Variants in DAZAP1 observed in about 807,000 individuals in gnomAD.
DAZAP1 encodes the protein DAZ-associated protein 1.
In DAZAP1, 6 loss-of-function variants were observed where a neutral mutation model predicts 60.1. The ratio of observed to expected loss-of-function variants is 0.10; its 90% CI spans 0.05 to 0.20. The LOEUF (loss-of-function observed/expected upper bound fraction) is 0.20, where lower values mean the gene tolerates loss of function less well. Ranked by LOEUF, DAZAP1 falls within the 10% of genes least tolerant of loss-of-function variation. DAZAP1 has a pLI of 1.00. For synonymous variants in DAZAP1, 235 were observed against 215.9 expected, an observed-to-expected ratio of 1.09 and a Z score of -0.78; for missense variants, 366 against 560.4, an observed-to-expected ratio of 0.65 and a Z score of 3.50.
chr19:1,433,777 C>T lies in DAZAP1; in HGVS notation c.1049-960C>T. 6.2e-7 allele frequency: 1 copy of T among 1,614,020 alleles called. No homozygotes were observed. Among genetic ancestry groups the T allele is most frequent in the African/African-American group, 1.3e-5 (1 of 75,060 alleles). ...TTCTCCAGCCCCGCCGGGCTGCGGC[C>T]CACACTTTGTTTACAGTCTTATGGT... On this transcript the variant is annotated intron_variant, in intron 11 of 11. Transcript: ENST00000233078. The surrounding 1 kb of genome is among the most constrained non-coding windows in gnomAD (Gnocchi z 6.1).
intron 6 of DAZAP1, among the ~76,000 whole-genome samples, chr19:1,424,855 C>T (rs1156335093): frequency 1.3e-5 from 2 of 152,186 alleles, no homozygotes; most frequent in Non-Finnish European, 2.9e-5. Context: ...CCGCCTGGGC[C>T]CCGCCTCGGG....
chr19:1,430,074 C>A, intron 9 of DAZAP1, 78 bp downstream of exon 9: 1 of 1,581,664 alleles, frequency 6.3e-7, no homozygotes, highest in Non-Finnish European at 8.6e-7. Context: ...CTGGGGCAGC[C>A]GGCAAAGCCT....
intron 1 of DAZAP1, chr19:1,415,713 A>C (rs1183352788): frequency 6.6e-6 from 1 of 152,176 alleles, no homozygotes; most frequent in Non-Finnish European, 1.5e-5. Flanking sequence ...TGGGAGACGT[A>C]GGATTTTAAG....
Position 1,433,706 on chromosome 19 carries a change from T to G in DAZAP1, c.1048+1016T>G. On this transcript the variant is annotated intron_variant, in intron 11 of 11. Coordinates refer to ENST00000233078, the MANE Select transcript of DAZAP1 (RefSeq NM_018959.4). This position sits in a 1 kb window ranked among gnomAD's most constrained non-coding sequence, Gnocchi z 6.1. ...GCCGCTGCTCTTGGTGGCGGCTGCTTGGGTTGGTCACCCTGGTCTCGTCTC... is the reference window on the plus strand; with the variant it reads ...GCCGCTGCTCTTGGTGGCGGCTGCTGGGGTTGGTCACCCTGGTCTCGTCTC... 1 of 1,590,500 alleles carries G rather than the reference T, an allele frequency of 6.3e-7. No homozygotes were observed. Among genetic ancestry groups the G allele is most frequent in the Non-Finnish European group, 8.6e-7 (1 of 1,159,876 alleles).
chr19:1,427,540 G>A (rs1172038981), intron 7 of DAZAP1: 1 of 152,306 alleles, frequency 6.6e-6, no homozygotes, highest in Non-Finnish European at 1.5e-5. Context: ...CATGCCAGGC[G>A]ACTGCATTGC....
intron 1 of DAZAP1, among the ~76,000 whole-genome samples, chr19:1,414,986 T>C (rs1764273052): frequency 6.6e-6 from 1 of 151,808 alleles, no homozygotes; most frequent in Non-Finnish European, 1.5e-5. Context: ...ACCTGGAGTC[T>C]CGTTACGTTG....
At position 1,422,221 on chromosome 19, in the gene DAZAP1, A is replaced by G. The variant is rs562157180; in HGVS notation, c.415-127A>G. The G allele has an allele frequency of 1.6e-5, 13 of 789,672 alleles. No individual in the cohort carries two copies. The African/African-American group carries it at 2.3e-4, about 14-fold the overall frequency. The allele number at this position is 789,672 out of a possible 1,614,324, so 48.9% of individuals were successfully genotyped here. Reference sequence around the variant, plus strand: ...CCCACGGAGCAGCTGTTGCCCGTGCACCTCCCCCGCTCAGGGAGGGCGCAC... The same window carrying G: ...CCCACGGAGCAGCTGTTGCCCGTGCGCCTCCCCCGCTCAGGGAGGGCGCAC... On this transcript the variant is annotated intron_variant, in intron 5 of 11. Transcript: ENST00000233078. The surrounding 1 kb of genome is among the most constrained non-coding windows in gnomAD (Gnocchi z 4.5).
chr19:1,428,901 T>A lies in DAZAP1; in HGVS notation c.606T>A (p.Gly202=), dbSNP rs1228470356. Residue 202 remains glycine (G), a synonymous_variant, in exon 8 of 12, where the codon GGT becomes GGA. Coordinates refer to ENST00000233078, the MANE Select transcript of DAZAP1 (RefSeq NM_018959.4). This position sits in a 1 kb window ranked among gnomAD's most constrained non-coding sequence, Gnocchi z 4.0. ...DSKSQAPGQP[G]ASQWGSRVVP... ...AGAGCCAAGCGCCGGGACAGCCAGG[T>A]GCCAGCCAGTGGGGGAGCCGGGTTG... 2.5e-6 allele frequency: 4 copies of A among 1,612,894 alleles called. No individual in the cohort carries two copies. In the East Asian group the frequency reaches 6.7e-5, roughly 27 times the overall value.
intron 9 of DAZAP1, 91 bp from the exon 10 acceptor site, chr19:1,430,131 T>C: frequency 1.3e-6 from 2 of 1,500,974 alleles, no homozygotes; most frequent in Non-Finnish European, 1.8e-6. Context: ...GTGAGGGGCC[T>C]GCTAGGGCCC....
intron 6 of DAZAP1, among the ~76,000 whole-genome samples, chr19:1,424,285 G>A (rs2083244811): frequency 6.7e-6 from 1 of 149,898 alleles, no homozygotes; most frequent in African/African-American, 2.5e-5. Flanking sequence ...TCCTCTCGCT[G>A]TGTGCCTTGC....
intron 1 of DAZAP1, among the ~76,000 whole-genome samples, chr19:1,414,758 T>G (rs965039382): frequency 2.8e-5 from 4 of 143,830 alleles, no homozygotes; most frequent in African/African-American, 1.2e-4. Context: ...AGAAAGTATT[T>G]ATTATTTTTT....
chr19:1,411,844 T>G (rs1434381689), intron 1 of DAZAP1, among the ~76,000 whole-genome samples: 2 of 152,340 alleles, frequency 1.3e-5, no homozygotes, highest in East Asian at 3.9e-4. Flanking sequence ...GCGGCTATGT[T>G]CATGGTGCGA....
At chr19:1,413,612 G>T (rs139021749) in intron 1 of DAZAP1, among the ~76,000 whole-genome samples, 1 of 152,228 alleles carries the variant, frequency 6.6e-6, no homozygotes, top group East Asian at 1.9e-4. Flanking sequence ...AAGCTTTAGC[G>T]TTAGAAGCTG....
In DAZAP1 at chr19:1,425,123, C is replaced by T. The variant is rs900502420; in HGVS notation, c.464-755C>T. Among the ~76,000 whole-genome samples, 5 of 152,210 alleles carry T rather than the reference C, an allele frequency of 3.3e-5. No individual in the cohort carries two copies. The highest frequency in any genetic ancestry group is 5.9e-5 in the Non-Finnish European group (4 of 68,044). The stretch of plus-strand genomic sequence containing the variant: ...CAGCAGAGTCTGACCTGCTGGAACC[C>T]GTTGTGGCCTGTATCTTTGTGCATT... On this transcript the variant is annotated intron_variant, in intron 6 of 11. Transcript: ENST00000233078. This position sits in a 1 kb window ranked among gnomAD's most constrained non-coding sequence, Gnocchi z 5.4.
chr19:1,430,313 T>TC lies in DAZAP1; in HGVS notation c.827dup (p.Pro277SerfsTer150). 1 of 1,563,524 alleles carries TC rather than the reference T, an allele frequency of 6.4e-7. No homozygotes were observed. The highest frequency in any genetic ancestry group is 8.6e-7 in the Non-Finnish European group (1 of 1,156,862). ...TCGTGTCCACCCCTCCTGGAGGCTT[T>TC]CCCCCTCCCCAGGGCTTCCCTCAGG... On this transcript the variant is annotated frameshift_variant, in exon 10 of 12. Transcript: ENST00000233078. LOFTEE classifies it high-confidence loss of function.
Position 1,434,994 on chromosome 19 carries a change from A to G in DAZAP1, c.*82A>G, listed in dbSNP as rs1250727491. The G allele has an allele frequency of 5.3e-6, 1 of 188,096 alleles. No homozygotes were observed. The highest frequency in any genetic ancestry group is 3.5e-5 in the African/African-American group (1 of 28,282). 11.7% of individuals were successfully genotyped at this position (188,096 alleles called of 1,614,324 possible). On this transcript the variant is annotated 3_prime_UTR_variant, in exon 12 of 12. Transcript: ENST00000233078. The surrounding 1 kb of genome is among the most constrained non-coding windows in gnomAD (Gnocchi z 8.0). ...CGTGACAATCACAAACTTGGCGGCA[A>G]AGTGGCGACTCAACCTTGGGGGGGG... is the stretch of plus-strand genomic sequence containing the variant.
At position 1,419,811 on chromosome 19, in the gene DAZAP1, G is replaced by A. The variant is rs564946565; in HGVS notation, c.303+1080G>A. Among the ~76,000 whole-genome samples, 4 of 148,744 alleles carry A rather than the reference G, an allele frequency of 2.7e-5. No individual in the cohort carries two copies. In the South Asian group the frequency reaches 6.5e-4, roughly 24 times the overall value. Reference sequence around the variant, plus strand: ...ACACACTCATGAAACCATCCCAACCGTCACGGCAGCGAGCACTCACCCCAC... The same window carrying A: ...ACACACTCATGAAACCATCCCAACCATCACGGCAGCGAGCACTCACCCCAC... On this transcript the variant is annotated intron_variant, in intron 4 of 11. Transcript: ENST00000233078.
rs541017589 is a variant in DAZAP1 at position 1,432,494 on chromosome 19, G to A, written c.872-20G>A. ...AGCTGCACAACGTGTCTTGTGCCTT[G>A]CCCTCTTGTACCTCTGCAGGTTTTG... On this transcript the variant is annotated intron_variant, in intron 10 of 11. Transcript: ENST00000233078. The surrounding 1 kb of genome is among the most constrained non-coding windows in gnomAD (Gnocchi z 4.9). The A allele has an allele frequency of 4.3e-6, 7 of 1,613,458 alleles. No homozygotes were observed. Among genetic ancestry groups the A allele is most frequent in the South Asian group, 3.3e-5 (3 of 91,076 alleles).
intron 1 of DAZAP1, among the ~76,000 whole-genome samples, chr19:1,411,736 AGGGATGGGCCCGGGGTCACCCCAG>A (rs2082837253): frequency 6.6e-6 from 1 of 152,186 alleles, no homozygotes; most frequent in African/African-American, 2.4e-5. Flanking sequence ...AGAGGAGTTG[AGGGATGGGCCCGGGGTCACCCCAG>A]GGGGTGGAAG....
Sources: allele counts gnomAD v4.1 joint callset (sites outside exome capture counted in the v4.1 genomes callset), GRCh38; gene constraint gnomAD v4.1.1; non-coding constraint Gnocchi (gnomAD v3.1); transcripts MANE v1.5; gene names NCBI Gene and HGNC (gene_info 2026-07-23, HGNC 2026-07-21).